ADCY1: variants seen among roughly 807,000 people sequenced by gnomAD.
ADCY1 encodes adenylate cyclase 1.
In ADCY1, 28 loss-of-function variants were observed where a neutral mutation model predicts 105.4. That is an observed-to-expected ratio of 0.27 (90% CI 0.20 to 0.36). The LOEUF (loss-of-function observed/expected upper bound fraction) is 0.36, where lower values mean the gene tolerates loss of function less well. Among genes scored for constraint, ADCY1 ranks in the 10% least tolerant of loss-of-function variants. The pLI, the probability that ADCY1 is intolerant of heterozygous loss-of-function variation, is 1.00. For missense variants in ADCY1, 977 were observed against 1,434.2 expected (o/e 0.68, Z 5.15); for synonymous variants, 655 against 623.8 (o/e 1.05, Z -0.75).
intron 7 of ADCY1, among the ~76,000 whole-genome samples, 195 bp downstream of exon 7, chr7:45,660,378 A>C (rs1795062015): frequency 2.6e-5 from 4 of 152,132 alleles, no homozygotes; most frequent in Admixed American, 2.6e-4. Context: ...GGGTCTAGGT[A>C]AGGGAGCCAG....
rs1785377453 is a variant in ADCY1 at position 45,717,313 on chromosome 7, G to A, written c.*3318G>A. On this transcript the variant is annotated 3_prime_UTR_variant, in exon 20 of 20. Coordinates refer to ENST00000297323, the MANE Select transcript of ADCY1 (RefSeq NM_021116.4). ...TCAGGGGCAAACATCTCCATCATCA[G>A]CAACTCCAAACCCCAGCCACTTCCT... 2 of 152,348 alleles carry A rather than the reference G, an allele frequency of 1.3e-5. No homozygotes were observed. The highest frequency in any genetic ancestry group is 2.9e-5 in the Non-Finnish European group (2 of 68,040). 9.4% of individuals were successfully genotyped at this position (152,348 alleles called of 1,614,324 possible). A position where few individuals can be genotyped will look rare whatever the true frequency, so the allele number is the denominator to read the frequency against.
chr7:45,710,198 G>A lies in ADCY1; in HGVS notation c.2933-330G>A, dbSNP rs1785199345. On this transcript the variant is annotated intron_variant, in intron 18 of 19. Coordinates refer to ENST00000297323, the MANE Select transcript of ADCY1 (RefSeq NM_021116.4). The surrounding 1 kb of genome is among the most constrained non-coding windows in gnomAD (Gnocchi z 4.7). ...ACACTTCTGAGTGGCTCCCCTGGTA[G>A]GGCTCAGCACAGAGGCTGCTATTCC... Among the ~76,000 whole-genome samples, 5 of 152,190 alleles carry A rather than the reference G, an allele frequency of 3.3e-5. No individual in the cohort carries two copies. In the South Asian group the frequency reaches 1.0e-3, roughly 32 times the overall value.
chr7:45,664,151 G>C, intron 8 of ADCY1: 7 of 742,424 alleles, frequency 9.4e-6, no homozygotes, highest in Non-Finnish European at 1.6e-5. Flanking sequence ...GGGATATTGA[G>C]GGTGGGGCGT....
Position 45,708,293 on chromosome 7 carries a change from T to C in ADCY1, c.2818-57T>C. The C allele has an allele frequency of 1.5e-6, 2 of 1,327,448 alleles. No individual in the cohort carries two copies. The highest frequency in any genetic ancestry group is 1.2e-5 in the South Asian group (1 of 82,330). 82.2% of individuals were successfully genotyped at this position (1,327,448 alleles called of 1,614,324 possible). ...CTGTTGGGCACTGCAGGTTGGTCCC[T>C]GGCCCCCTCTTGCCTTGCACTCCCC... On this transcript the variant is annotated intron_variant, in intron 17 of 19. Coordinates refer to ENST00000297323, the MANE Select transcript of ADCY1 (RefSeq NM_021116.4). The surrounding 1 kb of genome is among the most constrained non-coding windows in gnomAD (Gnocchi z 4.7).
chr7:45,694,038 C>T (rs140015726), intron 14 of ADCY1, among the ~76,000 whole-genome samples: 2,718 of 126,158 alleles, frequency 0.022, 55 homozygotes, highest in South Asian at 0.081. Context: ...GTGGGTGCAG[C>T]GCACCAGCAT....
In ADCY1 at chr7:45,708,787, C is replaced by G. The variant is rs1785170101; in HGVS notation, c.2932+323C>G. 6.6e-6 allele frequency among the ~76,000 whole-genome samples: 1 copy of G among 152,198 alleles called. No individual in the cohort carries two copies. The highest frequency in any genetic ancestry group is 6.5e-5 in the Admixed American group (1 of 15,278). On this transcript the variant is annotated intron_variant, in intron 18 of 19. Coordinates refer to ENST00000297323, the MANE Select transcript of ADCY1 (RefSeq NM_021116.4). The surrounding 1 kb of genome is among the most constrained non-coding windows in gnomAD (Gnocchi z 4.7). ...AAATGCCCTTTTCCCTGTTCGCCAG[C>G]CACGGCTACATAGTTGAGGCCACAT... is the stretch of plus-strand genomic sequence containing the variant.
chr7:45,711,642 TATAC>T (rs1484353156), intron 19 of ADCY1, among the ~76,000 whole-genome samples: 4 of 20,616 alleles, frequency 1.9e-4, no homozygotes, highest in East Asian at 9.5e-4. Flanking sequence ...TATATATATA[TATAC>T]ACACACACAC....
intron 8 of ADCY1, among the ~76,000 whole-genome samples, chr7:45,674,641 G>A (rs1223458293): frequency 6.6e-6 from 1 of 152,152 alleles, no homozygotes; most frequent in Non-Finnish European, 1.5e-5. Context: ...CAAAGTGCTG[G>A]GATTACAGGC....
At chr7:45,660,846 G>A (rs1341109926) in intron 7 of ADCY1, among the ~76,000 whole-genome samples, 1 of 150,158 alleles carries the variant, frequency 6.7e-6, no homozygotes, top group Non-Finnish European at 1.5e-5. Context: ...GCTTAGGTGA[G>A]GGTTCAGGGC....
At chr7:45,685,154 C>G in intron 12 of ADCY1, 86 bp downstream of exon 12, 1 of 1,275,372 alleles carries the variant, frequency 7.8e-7, no homozygotes, top group Non-Finnish European at 1.1e-6. Flanking sequence ...CCCAGGGCTG[C>G]AGAGACAGGG....
intron 1 of ADCY1, among the ~76,000 whole-genome samples, chr7:45,589,937 G>T (rs1356038536): frequency 6.6e-6 from 1 of 152,148 alleles, no homozygotes; most frequent in African/African-American, 2.4e-5. Flanking sequence ...TATCCCAAGG[G>T]CAGGTAGTGA....
chr7:45,614,181 A>C (rs1018803441), intron 3 of ADCY1, among the ~76,000 whole-genome samples: 40 of 152,196 alleles, frequency 2.6e-4, no homozygotes, highest in African/African-American at 7.5e-4. Context: ...AAGAAAACAA[A>C]AGTATTAAAA....
chr7:45,695,752 AG>A (rs983826718), intron 14 of ADCY1, among the ~76,000 whole-genome samples: 7 of 152,228 alleles, frequency 4.6e-5, no homozygotes, highest in African/African-American at 1.4e-4. Context: ...GTGTGGTAGC[AG>A]TGTGGCAGTC....
At chr7:45,654,800 G>T (rs1294971961) in intron 5 of ADCY1, among the ~76,000 whole-genome samples, 4 of 152,226 alleles carry the variant, frequency 2.6e-5, no homozygotes, top group Non-Finnish European at 4.4e-5. Flanking sequence ...AATTTTAGGG[G>T]ACATGGAGCT....
At chr7:45,668,686 A>C (rs1784309032) in intron 8 of ADCY1, among the ~76,000 whole-genome samples, 1 of 152,174 alleles carries the variant, frequency 6.6e-6, no homozygotes, top group Non-Finnish European at 1.5e-5. Context: ...TATTGATTGG[A>C]ATACTTTCAG....
At chr7:45,690,665 A>C (rs947215211) in intron 14 of ADCY1, among the ~76,000 whole-genome samples, 1 of 152,116 alleles carries the variant, frequency 6.6e-6, no homozygotes, top group African/African-American at 2.4e-5. Context: ...ATCTGGCCAG[A>C]TACAGCACAT....
At chr7:45,687,352 C>T (rs567706205) in intron 14 of ADCY1, among the ~76,000 whole-genome samples, 18 of 152,284 alleles carry the variant, frequency 1.2e-4, no homozygotes, top group African/African-American at 4.3e-4. Context: ...GTTCCTGCTG[C>T]GGAGCCACAG....
At chr7:45,606,062 G>T (rs1471580437) in intron 2 of ADCY1, among the ~76,000 whole-genome samples, 1 of 152,232 alleles carries the variant, frequency 6.6e-6, no homozygotes, top group African/African-American at 2.4e-5. Flanking sequence ...TTGACACCAT[G>T]TGGGGAGGGC....
At chr7:45,678,144 G>C (rs1437089004) in intron 9 of ADCY1, 22 bp from the exon 10 acceptor site, 9 of 1,614,108 alleles carry the variant, frequency 5.6e-6, no homozygotes, top group African/African-American at 1.3e-5. Flanking sequence ...AGCCCTGATG[G>C]ATTGACTTCT....
Sources: gnomAD v4.1 joint callset for allele counts (sites outside exome capture counted in the v4.1 genomes callset) on GRCh38, gnomAD v4.1.1 for gene constraint, Gnocchi (gnomAD v3.1) non-coding constraint, MANE v1.5 for transcripts, NCBI Gene and HGNC (gene_info 2026-07-23, HGNC 2026-07-21) for gene names.